The following NFIB variants were observed in gnomAD, a reference collection of about 807,000 sequenced individuals.
The protein encoded by NFIB is nuclear factor I B.
NFIB carries 11 observed loss-of-function variants against 61.5 expected under a neutral mutation model. The observed-to-expected ratio is 0.18, with a 90% CI of 0.11 to 0.30. The LOEUF is 0.30. Among genes scored for constraint, NFIB ranks in the 10% least tolerant of loss-of-function variants. NFIB has a pLI of 1.00. For missense variants in NFIB, 471 were observed against 608.9 expected, an observed-to-expected ratio of 0.77 and a Z score of 2.38; for synonymous variants, 260 against 216.5, an observed-to-expected ratio of 1.20 and a Z score of -1.76.
intron 2 of NFIB, among the ~76,000 whole-genome samples, chr9:14,284,902 TA>T (rs2058611187): frequency 1.3e-5 from 2 of 152,178 alleles, no homozygotes; most frequent in Non-Finnish European, 2.9e-5. Flanking sequence ...ATCCTCTCTT[TA>T]AGGACATTTT....
the NFIB span, among the ~76,000 whole-genome samples, chr9:14,475,360 T>A: frequency 6.6e-6 from 1 of 152,160 alleles, no homozygotes; most frequent in Non-Finnish European, 1.5e-5. Context: ...CTTTCGACCA[T>A]TAGTGTGATA....
At chr9:14,484,778 A>C in the NFIB span, among the ~76,000 whole-genome samples, 2 of 152,242 alleles carry the variant, frequency 1.3e-5, no homozygotes, top group African/African-American at 4.8e-5. Flanking sequence ...GAGACAGATT[A>C]AGTCTTGGGG....
At chr9:14,299,437 G>A (rs1384604110) in intron 2 of NFIB, among the ~76,000 whole-genome samples, 1 of 152,140 alleles carries the variant, frequency 6.6e-6, no homozygotes, top group Non-Finnish European at 1.5e-5. Flanking sequence ...TTGAGAAATA[G>A]ACTATTTTGA....
chr9:14,404,691 T>C, the NFIB span, among the ~76,000 whole-genome samples: 2 of 152,182 alleles, frequency 1.3e-5, no homozygotes, highest in African/African-American at 2.4e-5. Context: ...ACCTAAACTC[T>C]ACAAATCTGC....
At chr9:14,088,378 A>G in intron 10 of NFIB, 52 bp from the exon 11 acceptor site, 1 of 1,458,994 alleles carries the variant, frequency 6.9e-7, no homozygotes, top group Non-Finnish European at 9.2e-7. Context: ...AAAAAATACA[A>G]TGTTAAAATC....
At chr9:14,427,944 T>TTTTTTTTGTTTG in the NFIB span, among the ~76,000 whole-genome samples, 649 of 83,170 alleles carry the variant, frequency 7.8e-3, 23 homozygotes, top group South Asian at 0.012. Context: ...GTTGTTTTTT[T>TTTTTTTTGTTTG]TTTTTTTTTT....
At position 14,214,086 on chromosome 9, in the gene NFIB, T is replaced by C. The variant is rs1160608324; in HGVS notation, c.563-34306A>G. 5.9e-5 allele frequency among the ~76,000 whole-genome samples: 9 copies of C among 152,142 alleles called. 1 individual carries two copies. Among genetic ancestry groups the C allele is most frequent in the Admixed American group, 5.9e-4 (9 of 15,274 alleles). ...AACCCTTCTTTATTACTCCCCACTC[T>C]GCTCCCCAAATAGGCCACATCCTAG... On this transcript the variant is annotated intron_variant, in intron 2 of 10. Transcript: ENST00000380953.
chr9:14,240,914 C>T (rs776717919), intron 2 of NFIB, among the ~76,000 whole-genome samples: 17 of 152,180 alleles, frequency 1.1e-4, no homozygotes, highest in Non-Finnish European at 1.8e-4. Flanking sequence ...AGATGGAGCT[C>T]TGAGGTTAGA....
intron 2 of NFIB, among the ~76,000 whole-genome samples, chr9:14,241,236 G>C (rs1236110182): frequency 6.6e-6 from 1 of 152,090 alleles, no homozygotes; most frequent in Non-Finnish European, 1.5e-5. Flanking sequence ...AACGGACCAG[G>C]CCATTACCAA....
rs375736787 is a variant in NFIB at position 14,175,163 on chromosome 9, A to ATT, written c.616+4562_616+4563dup. 1.1e-3 allele frequency among the ~76,000 whole-genome samples: 115 copies of ATT among 102,154 alleles called. 40 individuals are homozygous for ATT. Among genetic ancestry groups the ATT allele is most frequent in the Admixed American group, 1.7e-3 (14 of 8,002 alleles). 67.0% of individuals were successfully genotyped at this position (102,154 alleles called of 152,430 possible). The stretch of plus-strand genomic sequence containing the variant: ...TCTCAAAATTTTTATGACTTAAAGA[A>ATT]TTTCTTTTTTTTTTTTTTTTTTTTG... On this transcript the variant is annotated intron_variant, in intron 3 of 10. Coordinates refer to ENST00000380953, the MANE Select transcript of NFIB (RefSeq NM_001190737.2).
At position 14,186,747 on chromosome 9, in the gene NFIB, C is replaced by T. The variant is rs191070394; in HGVS notation, c.563-6967G>A. On this transcript the variant is annotated intron_variant, in intron 2 of 10. Coordinates refer to ENST00000380953, the MANE Select transcript of NFIB (RefSeq NM_001190737.2). ...CACTAGCTTTCCATAATCAAGTTTC[C>T]TATTACATAATTTGGCTTTTTTTTT... 6.9e-4 allele frequency among the ~76,000 whole-genome samples: 104 copies of T among 150,842 alleles called. 1 individual carries two copies. Among genetic ancestry groups the T allele is most frequent in the Middle Eastern group, 3.4e-3 (1 of 294 alleles).
chr9:14,516,534 T>C, the NFIB span, among the ~76,000 whole-genome samples: 1 of 152,230 alleles, frequency 6.6e-6, no homozygotes, highest in Non-Finnish European at 1.5e-5. Flanking sequence ...TTTAAGCTCC[T>C]TGGCATTGCA....
chr9:14,347,786 C>T (rs981627159), intron 1 of NFIB, among the ~76,000 whole-genome samples: 1 of 151,972 alleles, frequency 6.6e-6, no homozygotes. Flanking sequence ...AATCACTACC[C>T]GGCGACGGCT....
intron 10 of NFIB, among the ~76,000 whole-genome samples, chr9:14,092,340 C>A (rs928453252): frequency 6.6e-6 from 1 of 151,976 alleles, no homozygotes; most frequent in Non-Finnish European, 1.5e-5. Context: ...AAGCATGGTA[C>A]CATCTTTGGT....
intron 2 of NFIB, among the ~76,000 whole-genome samples, chr9:14,252,847 G>A (rs1168650858): frequency 4.6e-5 from 7 of 151,906 alleles, no homozygotes; most frequent in South Asian, 4.2e-4. Flanking sequence ...CACCCATGAC[G>A]GTCACCCGTA....
intron 10 of NFIB, among the ~76,000 whole-genome samples, chr9:14,111,701 G>A (rs1192178507): frequency 6.6e-6 from 1 of 152,110 alleles, no homozygotes; most frequent in East Asian, 1.9e-4. Flanking sequence ...AGAGAATTAT[G>A]TTGAGAAGCC....
rs536406902 is a variant in NFIB at position 14,084,396 on chromosome 9, T to G, written c.*3913A>C. 74 of 223,932 alleles carry G rather than the reference T, an allele frequency of 3.3e-4. No homozygotes were observed. The highest frequency in any genetic ancestry group is 3.0e-3 in the Admixed American group (53 of 17,454). The allele number at this position is 223,932 out of a possible 1,614,324, so 13.9% of individuals were successfully genotyped here. On this transcript the variant is annotated 3_prime_UTR_variant, in exon 11 of 11. Transcript: ENST00000380953. ...TTTCGCTCTTCTCGCTACTTGCAGC[T>G]TCACAGATTCATTCACATATTTTTT... is the stretch of plus-strand genomic sequence containing the variant.
intron 1 of NFIB, among the ~76,000 whole-genome samples, chr9:14,379,712 T>C (rs2061461938): frequency 6.6e-6 from 1 of 152,130 alleles, no homozygotes; most frequent in African/African-American, 2.4e-5. Context: ...GATGGAGTTT[T>C]GCTCTTGTCG....
chr9:14,179,640 T>G, intron 3 of NFIB, 87 bp downstream of exon 3: 1 of 1,423,334 alleles, frequency 7.0e-7, no homozygotes, highest in South Asian at 1.2e-5. Flanking sequence ...AATAGGCAGC[T>G]GACCAATTAT....
Sources: gnomAD v4.1 joint callset for allele counts (sites outside exome capture counted in the v4.1 genomes callset) on GRCh38, gnomAD v4.1.1 for gene constraint, MANE v1.5 for transcripts, NCBI Gene and HGNC (gene_info 2026-07-23, HGNC 2026-07-21) for gene names.